Variants in SDCCAG8 observed in about 807,000 individuals in gnomAD.
The protein encoded by SDCCAG8 is SHH signaling and ciliogenesis regulator SDCCAG8.
Under a neutral mutation model 101.8 loss-of-function variants are expected in SDCCAG8, and 74 were observed. The ratio of observed to expected loss-of-function variants is 0.73; its 90% CI spans 0.60 to 0.88. The LOEUF (loss-of-function observed/expected upper bound fraction) is 0.88, where lower values mean the gene tolerates loss of function less well. Ranked by LOEUF, SDCCAG8 falls within the 40% of genes least tolerant of loss-of-function variation. SDCCAG8 has a pLI of 0.00. For synonymous variants in SDCCAG8, 281 were observed against 292.9 expected (o/e 0.96, Z 0.41); for missense variants, 787 against 822.6 (o/e 0.96, Z 0.53).
In SDCCAG8 at chr1:243,348,078, C is replaced by G. The variant is rs1573471010; in HGVS notation, c.1473+3747C>G. On this transcript the variant is annotated intron_variant, in intron 12 of 17. Transcript: ENST00000366541. ...TAGGACGGAGTCTCCCTCTGTCGCCCAGGCTGGAGTGCAGTGGCGCGATCT... is the reference window on the plus strand; with the variant it reads ...TAGGACGGAGTCTCCCTCTGTCGCCGAGGCTGGAGTGCAGTGGCGCGATCT... Among the ~76,000 whole-genome samples the G allele has an allele frequency of 2.0e-5, 3 of 146,854 alleles. 1 individual carries two copies. In the South Asian group the frequency reaches 6.6e-4, roughly 32 times the overall value.
chr1:243,261,937 G>A (rs529706580), intron 1 of SDCCAG8, among the ~76,000 whole-genome samples: 11 of 148,506 alleles, frequency 7.4e-5, no homozygotes, highest in African/African-American at 2.5e-4. Context: ...TCAGCCTCCC[G>A]AGTAGCTGGG....
At chr1:243,321,336 T>C (rs749166976) in intron 9 of SDCCAG8, among the ~76,000 whole-genome samples, 141 of 152,026 alleles carry the variant, frequency 9.3e-4, no homozygotes, top group Non-Finnish European at 1.8e-3. Context: ...TGGACCCAGG[T>C]ATTGAGCATA....
At chr1:243,447,269 A>C (rs1457541119) in intron 16 of SDCCAG8, among the ~76,000 whole-genome samples, 2 of 150,860 alleles carry the variant, frequency 1.3e-5, no homozygotes, top group African/African-American at 2.4e-5. Context: ...AAAAAAAAAA[A>C]AAAAAAACCA....
In SDCCAG8 at chr1:243,426,476, T is replaced by G; in HGVS notation, c.1903T>G (p.Leu635Val). The G allele has an allele frequency of 1.9e-6, 3 of 1,613,846 alleles. No homozygotes were observed. The highest frequency in any genetic ancestry group is 2.7e-5 in the African/African-American group (2 of 75,022). The change falls in exon 16 of 18, where the codon TTG becomes GTG. Residue 635 changes from leucine to valine, a missense_variant. Leu to Val is a conservative substitution (Grantham distance 32). Transcript: ENST00000366541. ...AGAAAAAAGGTATACATATGATAAA[T>G]TGGGAAAGTTACAGAGAAGAAATGA... ...SQEKRYTYDK[L>V]GKLQRRNEEL...
chr1:243,323,473 T>C (rs1435158079), intron 9 of SDCCAG8, among the ~76,000 whole-genome samples: 4 of 152,172 alleles, frequency 2.6e-5, no homozygotes, highest in African/African-American at 7.2e-5. Flanking sequence ...TGTCTCCCAC[T>C]TCTATGTCAT....
chr1:243,455,715 C>G (rs2083690517), intron 16 of SDCCAG8, among the ~76,000 whole-genome samples: 1 of 152,168 alleles, frequency 6.6e-6, no homozygotes, highest in South Asian at 2.1e-4. Context: ...TTTAAGCAAA[C>G]CCAACATATT....
intron 1 of SDCCAG8, chr1:243,267,573 GC>G: frequency 2.1e-6 from 1 of 485,756 alleles, no homozygotes; most frequent in Non-Finnish European, 3.8e-6. Flanking sequence ...TCGCACTCCA[GC>G]CTGGGCGACA....
chr1:243,403,169 A>T (rs1181937805), intron 13 of SDCCAG8, among the ~76,000 whole-genome samples: 1 of 152,176 alleles, frequency 6.6e-6, no homozygotes, highest in Admixed American at 6.5e-5. Context: ...ATATCATTTT[A>T]TTAATGAGAA....
At chr1:243,482,272 T>C (rs1241806406) in intron 16 of SDCCAG8, among the ~76,000 whole-genome samples, 8 of 152,234 alleles carry the variant, frequency 5.3e-5, no homozygotes, top group Non-Finnish European at 5.9e-5. Context: ...TTTTTTTAAA[T>C]GCTGGTTCTG....
chr1:243,302,108 C>T (rs565807451), intron 6 of SDCCAG8, among the ~76,000 whole-genome samples: 1 of 152,120 alleles, frequency 6.6e-6, no homozygotes, highest in South Asian at 2.1e-4. Flanking sequence ...ATTAGCTGGG[C>T]ATGATGTCAC....
chr1:243,343,929 A>G (rs929164960), intron 11 of SDCCAG8, among the ~76,000 whole-genome samples: 1 of 152,262 alleles, frequency 6.6e-6, no homozygotes, highest in Non-Finnish European at 1.5e-5. Flanking sequence ...TTTGGTTGAT[A>G]ATATGCAATT....
Position 243,300,826 on chromosome 1 carries a change from G to A in SDCCAG8, c.676-3887G>A, listed in dbSNP as rs993980677. Reference sequence around the variant, plus strand: ...CACTAGAGCAATTTATGAACAGTTGGCCCTTGAATAAGATAGGTTTGTATT... The same window carrying A: ...CACTAGAGCAATTTATGAACAGTTGACCCTTGAATAAGATAGGTTTGTATT... On this transcript the variant is annotated intron_variant, in intron 6 of 17. Transcript: ENST00000366541. 6.6e-5 allele frequency among the ~76,000 whole-genome samples: 10 copies of A among 152,112 alleles called. 1 individual carries two copies. In the South Asian group the frequency reaches 2.1e-3, roughly 32 times the overall value.
chr1:243,463,872 A>C (rs1355184481), intron 16 of SDCCAG8, among the ~76,000 whole-genome samples: 1 of 151,768 alleles, frequency 6.6e-6, no homozygotes, highest in African/African-American at 2.4e-5. Context: ...GACTGTTTAA[A>C]TCATGAAATC....
chr1:243,328,730 C>T (rs1354902276), intron 9 of SDCCAG8, among the ~76,000 whole-genome samples: 1 of 152,220 alleles, frequency 6.6e-6, no homozygotes, highest in Non-Finnish European at 1.5e-5. Context: ...TACAGCTTCT[C>T]ACTTTGTGCT....
intron 12 of SDCCAG8, among the ~76,000 whole-genome samples, chr1:243,364,810 A>T (rs926264219): frequency 6.6e-6 from 1 of 152,312 alleles, no homozygotes; most frequent in East Asian, 1.9e-4. Flanking sequence ...AAACCTAAGA[A>T]AATGCATTTT....
intron 13 of SDCCAG8, among the ~76,000 whole-genome samples, chr1:243,385,898 G>A (rs190266099): frequency 6.6e-6 from 1 of 152,312 alleles, no homozygotes; most frequent in Admixed American, 6.5e-5. Context: ...GAGCCCGGGA[G>A]GCAGAGGTTG....
intron 4 of SDCCAG8, among the ~76,000 whole-genome samples, chr1:243,283,242 C>T (rs1572953022): frequency 4.0e-5 from 6 of 151,842 alleles, no homozygotes; most frequent in Admixed American, 3.9e-4. Context: ...ATATGATATT[C>T]CTCAGTGTAT....
chr1:243,259,667 A>G (rs1413654599), intron 1 of SDCCAG8, among the ~76,000 whole-genome samples: 1 of 151,472 alleles, frequency 6.6e-6, no homozygotes, highest in Non-Finnish European at 1.5e-5. Context: ...TAAAAATACA[A>G]AATGAGCCAG....
At chr1:243,467,141 G>T (rs1194563131) in intron 16 of SDCCAG8, among the ~76,000 whole-genome samples, 1 of 152,222 alleles carries the variant, frequency 6.6e-6, no homozygotes, top group African/African-American at 2.4e-5. Context: ...GACCCTCCTG[G>T]ACACTGCTAT....
Sources: gnomAD v4.1 joint callset for allele counts (sites outside exome capture counted in the v4.1 genomes callset) on GRCh38, gnomAD v4.1.1 for gene constraint, MANE v1.5 for transcripts, NCBI Gene and HGNC (gene_info 2026-07-23, HGNC 2026-07-21) for gene names.